The following SCLT1 variants were observed in gnomAD, a reference collection of about 807,000 sequenced individuals.
SCLT1 encodes the protein sodium channel-associated protein 1.
SCLT1 carries 78 observed loss-of-function variants against 112.8 expected under a neutral mutation model. The observed-to-expected ratio is 0.69, with a 90% CI of 0.58 to 0.83. The LOEUF (loss-of-function observed/expected upper bound fraction) is 0.83. Among genes scored for constraint, SCLT1 ranks in the 40% least tolerant of loss-of-function variants. The probability of loss-of-function intolerance (pLI) is 0.00; values close to 1 mark genes in which losing one functional copy is unlikely to be tolerated. For missense variants in SCLT1, 747 were observed against 770.4 expected, an observed-to-expected ratio of 0.97 and a Z score of 0.36; for synonymous variants, 257 against 254.7, an observed-to-expected ratio of 1.01 and a Z score of -0.09.
In SCLT1 at chr4:128,948,574, T is replaced by G; in HGVS notation, c.1219-4A>C. ...GGCCTTGTTTTTCAGCACACTCCTA[T>G]AAATTCAAGTCATATTGTAAATATA... On this transcript the variant is annotated splice_region_variant and splice_polypyrimidine_tract_variant and intron_variant, in intron 14 of 20. Coordinates refer to ENST00000281142, the MANE Select transcript of SCLT1 (RefSeq NM_144643.4). 6.3e-7 allele frequency: 1 copy of G among 1,590,106 alleles called. No homozygotes were observed.
chr4:129,053,215 G>T (rs759548682), intron 2 of SCLT1, among the ~76,000 whole-genome samples: 3 of 152,140 alleles, frequency 2.0e-5, no homozygotes, highest in African/African-American at 7.2e-5. Flanking sequence ...TTGATTTTGG[G>T]TGGAGAGTTC....
At chr4:129,011,869 G>T (rs1744555077) in intron 5 of SCLT1, among the ~76,000 whole-genome samples, 1 of 151,986 alleles carries the variant, frequency 6.6e-6, no homozygotes, top group Non-Finnish European at 1.5e-5. Context: ...ATTTCTGTGG[G>T]GTCAGTGGTA....
At chr4:129,027,056 T>C (rs1156709466) in intron 5 of SCLT1, among the ~76,000 whole-genome samples, 3 of 152,150 alleles carry the variant, frequency 2.0e-5, no homozygotes, top group Admixed American at 6.5e-5. Flanking sequence ...GTGGCAATAA[T>C]CAATAACTTA....
chr4:129,001,581 G>T (rs1207194847), intron 6 of SCLT1, among the ~76,000 whole-genome samples: 1 of 151,760 alleles, frequency 6.6e-6, no homozygotes, highest in African/African-American at 2.4e-5. Flanking sequence ...AATCTATGTG[G>T]TGTCATCATC....
chr4:128,997,459 T>A (rs1480003055), intron 8 of SCLT1, among the ~76,000 whole-genome samples: 2 of 151,902 alleles, frequency 1.3e-5, no homozygotes, highest in Non-Finnish European at 2.9e-5. Context: ...ATAGGGAAAT[T>A]TAGGAGTACC....
chr4:128,935,054 T>G (rs1172678095), intron 18 of SCLT1, among the ~76,000 whole-genome samples: 1 of 152,052 alleles, frequency 6.6e-6, no homozygotes, highest in Non-Finnish European at 1.5e-5. Context: ...GCTTTTTCTA[T>G]ATCTATTGAA....
chr4:128,946,146 G>T lies in SCLT1; in HGVS notation c.1300C>A (p.Arg434Ser). The T allele has an allele frequency of 1.9e-6, 3 of 1,600,182 alleles. No homozygotes were observed. Among genetic ancestry groups the T allele is most frequent in the Non-Finnish European group, 2.6e-6 (3 of 1,168,864 alleles). Residue 434 changes from arginine (R) to serine (S), a missense_variant, in exon 16 of 21, where the codon CGT becomes AGT. Arg to Ser is a moderately radical substitution (Grantham distance 110). Coordinates refer to ENST00000281142, the MANE Select transcript of SCLT1 (RefSeq NM_144643.4). ...AVEEELEKIY[R>S]EGRGNESDYR... ...TCACTCTCATTTCCTCTGCCTTCAC[G>T]GTAAATCTGCAGAAAAGGCTTATTA...
chr4:129,033,648 G>A (rs12504200), intron 5 of SCLT1, among the ~76,000 whole-genome samples: 40,953 of 151,596 alleles, frequency 0.27, 5,913 homozygotes, highest in South Asian at 0.36. Flanking sequence ...TCCTTGATAA[G>A]AGACTGGATG....
intron 17 of SCLT1, among the ~76,000 whole-genome samples, chr4:128,937,777 C>G (rs1737337847): frequency 6.6e-6 from 1 of 152,258 alleles, no homozygotes; most frequent in East Asian, 1.9e-4. Flanking sequence ...AGTAAAAGCA[C>G]TTTAATTGCA....
At chr4:129,041,688 T>C (rs1747708920) in intron 4 of SCLT1, 1 of 152,182 alleles carries the variant, frequency 6.6e-6, no homozygotes, top group South Asian at 2.1e-4. Context: ...GCTTAGTGTC[T>C]GCCACACACA....
intron 2 of SCLT1, among the ~76,000 whole-genome samples, chr4:129,045,952 A>G (rs1375058481): frequency 6.6e-6 from 1 of 152,128 alleles, no homozygotes; most frequent in African/African-American, 2.4e-5. Context: ...GAGAGAGGCA[A>G]ATAAGCAAGG....
intron 9 of SCLT1, among the ~76,000 whole-genome samples, chr4:128,984,749 T>C (rs909524776): frequency 4.6e-5 from 7 of 152,126 alleles, no homozygotes; most frequent in African/African-American, 1.7e-4. Context: ...GAATGTAAAG[T>C]TGAATTTTTA....
At chr4:128,931,226 A>G (rs553902263) in intron 18 of SCLT1, among the ~76,000 whole-genome samples, 1 of 152,158 alleles carries the variant, frequency 6.6e-6, no homozygotes, top group South Asian at 2.1e-4. Flanking sequence ...TTCAGAAAAA[A>G]GAGATTAGTA....
intron 2 of SCLT1, among the ~76,000 whole-genome samples, chr4:129,072,278 T>C (rs896347328): frequency 2.6e-5 from 4 of 152,110 alleles, no homozygotes; most frequent in Non-Finnish European, 4.4e-5. Context: ...CTGATGACAA[T>C]GTCCTAGGCA....
At chr4:128,945,446 A>G (rs573263380) in intron 16 of SCLT1, among the ~76,000 whole-genome samples, 3 of 152,314 alleles carry the variant, frequency 2.0e-5, no homozygotes, top group Admixed American at 6.5e-5. Flanking sequence ...CTCTTACTAA[A>G]AAAAATCTTT....
At chr4:128,873,263 AAAAAAAAAAG>A (rs1165466270) in intron 5 of SCLT1, 1 of 149,764 alleles carries the variant, frequency 6.7e-6, no homozygotes, top group Non-Finnish European at 1.5e-5. Context: ...AAGGAAAAAA[AAAAAAAAAAG>A]AAAAAAAGAA....
intron 1 of SCLT1, among the ~76,000 whole-genome samples, chr4:129,083,661 T>C (rs539618148): frequency 6.6e-6 from 1 of 151,006 alleles, no homozygotes; most frequent in Admixed American, 6.6e-5. Flanking sequence ...CAAGACTCTA[T>C]CTCAGAAAAA....
intron 4 of SCLT1, chr4:128,874,757 G>A (rs996807477): frequency 6.6e-6 from 1 of 152,394 alleles, no homozygotes; most frequent in Non-Finnish European, 1.5e-5. Context: ...ATCTTTCCTT[G>A]TGCATCCTGA....
In SCLT1 at chr4:128,900,502, C is replaced by T. The variant is rs541884700; in HGVS notation, c.1830-9365G>A. Reference sequence around the variant, plus strand: ...TAGAAAGCTGAAACTGGATCCCTTCCTTACACCTTATACAAAAATCAATTC... The same window carrying T: ...TAGAAAGCTGAAACTGGATCCCTTCTTTACACCTTATACAAAAATCAATTC... On this transcript the variant is annotated intron_variant, in intron 18 of 20. Coordinates refer to ENST00000281142, the MANE Select transcript of SCLT1 (RefSeq NM_144643.4). Among the ~76,000 whole-genome samples, 587 of 152,244 alleles carry T rather than the reference C, an allele frequency of 3.9e-3. 1 individual carries two copies. The highest frequency in any genetic ancestry group is 0.013 in the African/African-American group (544 of 41,532).
Sources: allele counts gnomAD v4.1 joint callset (sites outside exome capture counted in the v4.1 genomes callset), GRCh38; gene constraint gnomAD v4.1.1; transcripts MANE v1.5; gene names NCBI Gene and HGNC (gene_info 2026-07-23, HGNC 2026-07-21).